The following NEDD4L variants were observed in gnomAD, a reference collection of about 807,000 sequenced individuals.
NEDD4L encodes NEDD4 like E3 ubiquitin protein ligase.
A neutral mutation model predicts 148.9 loss-of-function variants in NEDD4L; 54 were observed. The ratio of observed to expected loss-of-function variants is 0.36; its 90% confidence interval spans 0.29 to 0.45. The LOEUF is 0.45. NEDD4L is among the 20% of genes least tolerant of loss of function. The pLI is 1.00. For missense variants in NEDD4L, 856 were observed against 1,233.8 expected, an observed-to-expected ratio of 0.69 and a Z score of 4.59; for synonymous variants, 433 against 440.7, an observed-to-expected ratio of 0.98 and a Z score of 0.22.
At chr18:58,068,205 TTTG>T (rs751799182) in intron 1 of NEDD4L, among the ~76,000 whole-genome samples, 20,556 of 130,554 alleles carry the variant, frequency 0.16, 2,245 homozygotes, top group African/African-American at 0.43. Context: ...TTTTTTTTTT[TTTG>T]TTTTGTTTTG....
intron 19 of NEDD4L, among the ~76,000 whole-genome samples, chr18:58,358,892 C>A (rs1191113251): frequency 6.6e-6 from 1 of 151,628 alleles, no homozygotes; most frequent in African/African-American, 2.4e-5. Flanking sequence ...TTATTGATTT[C>A]TAATTTTATT....
rs577333628 is a variant in NEDD4L, at chr18:58,391,048, A to C, written c.2752+306A>C. ...AAAACTAGGTTTTGTAGGGTCATTTATATGGTCGTAAACTGAGGTATAAAG... is the reference window on the plus strand; with the variant it reads ...AAAACTAGGTTTTGTAGGGTCATTTCTATGGTCGTAAACTGAGGTATAAAG... On this transcript the variant is annotated intron_variant, in intron 29 of 30. Coordinates refer to ENST00000400345, the MANE Select transcript of NEDD4L (RefSeq NM_001144967.3). 4.6e-5 allele frequency among the ~76,000 whole-genome samples: 7 copies of C among 151,694 alleles called. 1 individual carries two copies. The South Asian group carries it at 8.3e-4, about 18-fold the overall frequency.
chr18:58,223,707 C>T (rs544275573), intron 2 of NEDD4L, among the ~76,000 whole-genome samples: 29 of 152,256 alleles, frequency 1.9e-4, no homozygotes, highest in Middle Eastern at 6.8e-3. Context: ...GTAACATAGA[C>T]GGGGCTTTCC....
chr18:58,291,075 G>T (rs1600769567), intron 5 of NEDD4L, among the ~76,000 whole-genome samples: 2 of 151,690 alleles, frequency 1.3e-5, no homozygotes, highest in South Asian at 4.2e-4. Flanking sequence ...CAGAGAACCA[G>T]GCCGACCGGC....
chr18:58,115,456 AGGATATTAAAATATTCAGAG>A (rs1411905306), intron 1 of NEDD4L, among the ~76,000 whole-genome samples: 2 of 152,134 alleles, frequency 1.3e-5, no homozygotes, highest in African/African-American at 4.8e-5. Context: ...TCATTAATGC[AGGATATTAAAATATTCAGAG>A]GGAACCCAGG....
chr18:58,392,602 C>T (rs2049985908), intron 30 of NEDD4L, among the ~76,000 whole-genome samples: 1 of 152,020 alleles, frequency 6.6e-6, no homozygotes, highest in South Asian at 2.1e-4. Flanking sequence ...CATTGCCTGT[C>T]AGAGCCTTGA....
intron 2 of NEDD4L, among the ~76,000 whole-genome samples, chr18:58,195,048 G>A (rs947251268): frequency 6.6e-6 from 1 of 152,244 alleles, no homozygotes; most frequent in African/African-American, 2.4e-5. Flanking sequence ...TGTATGTGAG[G>A]ACAGTGGGAC....
At chr18:58,064,291 TAAA>T (rs769730253) in intron 1 of NEDD4L, among the ~76,000 whole-genome samples, 22 of 152,124 alleles carry the variant, frequency 1.4e-4, no homozygotes, top group Non-Finnish European at 2.8e-4. Flanking sequence ...CATCCAAACA[TAAA>T]AAGAACAAGG....
chr18:58,067,882 G>A (rs1200017288), intron 1 of NEDD4L, among the ~76,000 whole-genome samples: 2 of 152,216 alleles, frequency 1.3e-5, no homozygotes, highest in Non-Finnish European at 2.9e-5. Context: ...TCTGTGTCGA[G>A]GTTGGGAATT....
intron 5 of NEDD4L, chr18:58,255,756 C>T (rs925854013): frequency 2.2e-5 from 27 of 1,232,424 alleles, no homozygotes; most frequent in Non-Finnish European, 2.7e-5. Flanking sequence ...CACACCCTAC[C>T]GCGGAGAAGC....
At chr18:58,155,641 C>T (rs1006500940) in intron 1 of NEDD4L, among the ~76,000 whole-genome samples, 6 of 152,124 alleles carry the variant, frequency 3.9e-5, no homozygotes, top group East Asian at 1.9e-4. Context: ...AAGATGAGGC[C>T]GGTGGCATGT....
chr18:58,198,537 C>G (rs1054638716), intron 2 of NEDD4L, among the ~76,000 whole-genome samples: 1 of 151,998 alleles, frequency 6.6e-6, no homozygotes, highest in Non-Finnish European at 1.5e-5. Context: ...GGTGGAGTGT[C>G]GGGGAGCTGG....
chr18:58,318,449 T>C (rs1349631526), intron 6 of NEDD4L, among the ~76,000 whole-genome samples: 1 of 152,184 alleles, frequency 6.6e-6, no homozygotes, highest in Non-Finnish European at 1.5e-5. Flanking sequence ...CTCAACTGTT[T>C]AGAAGGCTGA....
At chr18:58,391,382 C>T in intron 29 of NEDD4L, 105 bp from the exon 30 acceptor site, 1 of 895,436 alleles carries the variant, frequency 1.1e-6, no homozygotes, top group Non-Finnish European at 1.8e-6. Flanking sequence ...GGCCTCACCC[C>T]TGGGGGCAAA....
intron 2 of NEDD4L, among the ~76,000 whole-genome samples, chr18:58,235,374 C>G (rs2045891061): frequency 6.6e-6 from 1 of 152,188 alleles, no homozygotes; most frequent in Non-Finnish European, 1.5e-5. Context: ...GCGTCCCTCT[C>G]TGCAATGCAA....
intron 13 of NEDD4L, 79 bp from the exon 14 acceptor site, chr18:58,340,959 C>A: frequency 7.2e-7 from 1 of 1,382,586 alleles, no homozygotes. Context: ...AAATAATTAT[C>A]TGGGTGTACC....
At chr18:58,130,403 G>A (rs1214506845) in intron 1 of NEDD4L, among the ~76,000 whole-genome samples, 1 of 147,202 alleles carries the variant, frequency 6.8e-6, no homozygotes, top group Admixed American at 6.8e-5. Context: ...TTGGGGTTTG[G>A]TTGACTGTGA....
chr18:58,156,154 T>C (rs1244314195), intron 1 of NEDD4L, among the ~76,000 whole-genome samples: 1 of 152,220 alleles, frequency 6.6e-6, no homozygotes, highest in Non-Finnish European at 1.5e-5. Context: ...CCTGTTTTTA[T>C]ATCCTAAAAC....
rs2059559806 is a variant in NEDD4L at position 58,328,977 on chromosome 18, C to G, written c.681-18C>G. On this transcript the variant is annotated intron_variant, in intron 9 of 30. Coordinates refer to ENST00000400345, the MANE Select transcript of NEDD4L (RefSeq NM_001144967.3). ...AACCACTTCTCTTCTTCTCTTTCCC[C>G]CTTTCCTGCATGCTCAGGGACGTGT... 2 of 1,613,912 alleles carry G rather than the reference C, an allele frequency of 1.2e-6. No homozygotes were observed. Among genetic ancestry groups the G allele is most frequent in the South Asian group, 1.1e-5 (1 of 91,060 alleles).
Sources: allele counts gnomAD v4.1 joint callset (sites outside exome capture counted in the v4.1 genomes callset), GRCh38; gene constraint gnomAD v4.1.1; transcripts MANE v1.5; gene names NCBI Gene and HGNC (gene_info 2026-07-23, HGNC 2026-07-21).